The following DDX10 variants were observed in gnomAD, a reference collection of about 807,000 sequenced individuals.
DDX10 encodes the protein DEAD-box helicase 10.
In DDX10, 74 loss-of-function variants were observed where a neutral mutation model predicts 104.3. That is an observed-to-expected ratio of 0.71 (90% CI 0.59 to 0.86). DDX10 has a LOEUF of 0.86. Among genes scored for constraint, DDX10 ranks in the 40% least tolerant of loss-of-function variants. The probability of loss-of-function intolerance (pLI) is 0.00; values close to 1 mark genes in which losing one functional copy is unlikely to be tolerated. For missense variants in DDX10, 952 were observed against 1,040.0 expected, an observed-to-expected ratio of 0.92 and a Z score of 1.16; for synonymous variants, 351 against 353.4, an observed-to-expected ratio of 0.99 and a Z score of 0.08.
chr11:108,916,221 C>T (rs1374454226), intron 16 of DDX10, among the ~76,000 whole-genome samples: 1 of 152,030 alleles, frequency 6.6e-6, no homozygotes, highest in African/African-American at 2.4e-5. Context: ...CCTTTAAGGG[C>T]ATCAGACGGG....
intron 13 of DDX10, among the ~76,000 whole-genome samples, chr11:108,781,535 A>T (rs1038634307): frequency 1.3e-5 from 2 of 152,190 alleles, no homozygotes; most frequent in Admixed American, 6.5e-5. Context: ...TGGAGGGATT[A>T]TCTCCATTCC....
intron 17 of DDX10, chr11:108,920,548 A>ACCAAG (rs1375184605): frequency 1.3e-5 from 2 of 152,186 alleles, no homozygotes; most frequent in Non-Finnish European, 2.9e-5. Flanking sequence ...AGATGAAAAA[A>ACCAAG]CCAAGGCTTT....
At chr11:108,686,872 C>A (rs1018627566) in intron 6 of DDX10, among the ~76,000 whole-genome samples, 5 of 152,002 alleles carry the variant, frequency 3.3e-5, no homozygotes, top group Admixed American at 6.6e-5. Flanking sequence ...GCAAGCTCTG[C>A]CCCTCGGGTT....
At chr11:108,743,451 C>A (rs1039377081) in intron 13 of DDX10, among the ~76,000 whole-genome samples, 2 of 152,146 alleles carry the variant, frequency 1.3e-5, no homozygotes, top group South Asian at 4.1e-4. Context: ...GACACATTCC[C>A]CTTAAACTGG....
chr11:108,815,183 GT>G (rs200907898), intron 13 of DDX10, among the ~76,000 whole-genome samples: 1,584 of 152,090 alleles, frequency 0.01, 35 homozygotes, highest in African/African-American at 0.034. Context: ...TTACCTTTTG[GT>G]TTATATACTC....
chr11:108,908,908 G>T (rs560931035), intron 16 of DDX10, among the ~76,000 whole-genome samples: 1 of 152,196 alleles, frequency 6.6e-6, no homozygotes, highest in African/African-American at 2.4e-5. Context: ...CTGAAGAAAC[G>T]ATGCTTAGAA....
chr11:108,706,290 T>C (rs1790115810), intron 9 of DDX10, among the ~76,000 whole-genome samples: 1 of 152,152 alleles, frequency 6.6e-6, no homozygotes, highest in Non-Finnish European at 1.5e-5. Context: ...CTATTTCTTA[T>C]AACTAATGCT....
At chr11:108,782,295 A>T (rs1012073820) in intron 13 of DDX10, among the ~76,000 whole-genome samples, 1 of 152,190 alleles carries the variant, frequency 6.6e-6, no homozygotes, top group African/African-American at 2.4e-5. Flanking sequence ...TTCTTCAGAG[A>T]AAACACAGCC....
At chr11:108,791,823 A>G (rs1051684015) in intron 13 of DDX10, among the ~76,000 whole-genome samples, 2 of 152,198 alleles carry the variant, frequency 1.3e-5, no homozygotes, top group Non-Finnish European at 2.9e-5. Context: ...GGATTTAGTT[A>G]TATGATAGTT....
rs1016504579 is a variant in DDX10 at position 108,707,444 on chromosome 11, A to G, written c.1322+607A>G. Among the ~76,000 whole-genome samples the G allele has an allele frequency of 2.0e-5, 3 of 152,252 alleles. No homozygotes were observed. The East Asian group carries it at 5.8e-4, about 29-fold the overall frequency. ...TTCCTCCATGTCTTTTCATGGCTTCATAGTACATTTCCTTTTAGTACTGAA... is the reference window on the plus strand; with the variant it reads ...TTCCTCCATGTCTTTTCATGGCTTCGTAGTACATTTCCTTTTAGTACTGAA... On this transcript the variant is annotated intron_variant, in intron 10 of 17. Transcript: ENST00000322536.
chr11:108,924,922 T>A (rs1400308777), intron 17 of DDX10, among the ~76,000 whole-genome samples: 4 of 152,204 alleles, frequency 2.6e-5, no homozygotes, highest in African/African-American at 7.2e-5. Flanking sequence ...TCATTATGAA[T>A]CTCATTGTGT....
intron 1 of DDX10, among the ~76,000 whole-genome samples, chr11:108,666,330 A>G (rs1303431586): frequency 6.6e-6 from 1 of 152,194 alleles, no homozygotes; most frequent in African/African-American, 2.4e-5. Context: ...ATACAAAAAA[A>G]TTAGCTGGGC....
chr11:108,915,931 AAG>A lies in DDX10; in HGVS notation c.2305-1938_2305-1937del, dbSNP rs756261429. On this transcript the variant is annotated intron_variant, in intron 16 of 17. Transcript: ENST00000322536. ...CTGTCTTCACTTAACCCAGACATTA[AAG>A]AGACTTGCAAAAATGTAAAAAAAAA... Among the ~76,000 whole-genome samples, 293 of 143,894 alleles carry A rather than the reference AAG, an allele frequency of 2.0e-3. 1 individual carries two copies. The highest frequency in any genetic ancestry group is 4.2e-3 in the Admixed American group (58 of 13,736). The allele number at this position is 143,894 out of a possible 152,430, so 94.4% of individuals were successfully genotyped here.
chr11:108,810,783 A>G (rs1185018480), intron 13 of DDX10, among the ~76,000 whole-genome samples: 1 of 152,190 alleles, frequency 6.6e-6, no homozygotes, highest in African/African-American at 2.4e-5. Context: ...AAACCCAGAA[A>G]ACTCGTTGAA....
intron 6 of DDX10, among the ~76,000 whole-genome samples, chr11:108,682,044 T>C (rs1378611727): frequency 6.6e-6 from 1 of 152,160 alleles, no homozygotes; most frequent in Non-Finnish European, 1.5e-5. Context: ...ACTTCCCTAC[T>C]CCCGGTGTTT....
At chr11:108,841,177 A>C (rs1862631746) in intron 14 of DDX10, 138 bp from the exon 15 acceptor site, 4 of 674,672 alleles carry the variant, frequency 5.9e-6, no homozygotes, top group South Asian at 2.3e-5. Flanking sequence ...GAAGTTGATT[A>C]GAAGATTAAA....
intron 16 of DDX10, among the ~76,000 whole-genome samples, chr11:108,854,018 C>A (rs528490847): frequency 6.6e-6 from 1 of 152,234 alleles, no homozygotes; most frequent in South Asian, 2.1e-4. Flanking sequence ...GAGATGGTAG[C>A]CCTTTTGTAA....
At chr11:108,760,294 C>G (rs1444475642) in intron 13 of DDX10, among the ~76,000 whole-genome samples, 3 of 151,860 alleles carry the variant, frequency 2.0e-5, no homozygotes, top group African/African-American at 7.3e-5. Context: ...TTCCTAGATT[C>G]CTTGGTGGGT....
intron 1 of DDX10, among the ~76,000 whole-genome samples, chr11:108,670,126 G>A (rs2094215124): frequency 6.6e-6 from 1 of 152,188 alleles, no homozygotes; most frequent in Admixed American, 6.5e-5. Flanking sequence ...GGAAGTATGT[G>A]GCGGGACTCT....
Sources: gnomAD v4.1 joint callset for allele counts (sites outside exome capture counted in the v4.1 genomes callset) on GRCh38, gnomAD v4.1.1 for gene constraint, MANE v1.5 for transcripts, NCBI Gene and HGNC (gene_info 2026-07-23, HGNC 2026-07-21) for gene names.